Variants in RTN4RL1 observed in about 807,000 individuals in gnomAD.
RTN4RL1 encodes reticulon-4 receptor-like 1.
In RTN4RL1, 7 loss-of-function variants were observed where a neutral mutation model predicts 25.6. That is an observed-to-expected ratio of 0.27 (90% confidence interval 0.16 to 0.51). The LOEUF (loss-of-function observed/expected upper bound fraction) is 0.51, where lower values mean the gene tolerates loss of function less well. RTN4RL1 is among the 20% of genes least tolerant of loss of function. The pLI is 0.97. For missense variants in RTN4RL1, 500 were observed against 615.6 expected (o/e 0.81, Z 1.99); for synonymous variants, 297 against 288.2 (o/e 1.03, Z -0.31).
chr17:1,951,693 T>C (rs1264826073), intron 1 of RTN4RL1, among the ~76,000 whole-genome samples: 1 of 152,110 alleles, frequency 6.6e-6, no homozygotes, highest in Non-Finnish European at 1.5e-5. Context: ...CCTCAGGTGA[T>C]CCAGCTGCCT....
chr17:1,954,841 G>C (rs1317177572), intron 1 of RTN4RL1, among the ~76,000 whole-genome samples: 1 of 152,208 alleles, frequency 6.6e-6, no homozygotes, highest in African/African-American at 2.4e-5. Context: ...AAAACCCCAG[G>C]TGGCCTTATT....
Position 1,944,232 on chromosome 17 carries a change from T to TC in RTN4RL1, c.14-6425dup, listed in dbSNP as rs536999501. Among the ~76,000 whole-genome samples, 446 of 151,838 alleles carry TC rather than the reference T, an allele frequency of 2.9e-3. 3 individuals carry two copies. Among genetic ancestry groups the TC allele is most frequent in the African/African-American group, 0.01 (427 of 41,400 alleles). ...CTGGATCCTCAACTTAACCGGTGTG[T>TC]CCCCACGCTTGTGTGAGCCTCATCT... On this transcript the variant is annotated intron_variant, in intron 1 of 1. Transcript: ENST00000331238.
chr17:1,951,806 C>G (rs1048368228), intron 1 of RTN4RL1, among the ~76,000 whole-genome samples: 1 of 152,152 alleles, frequency 6.6e-6, no homozygotes, highest in Admixed American at 6.5e-5. Context: ...TGAGGACTGC[C>G]GAAGACTAAC....
intron 1 of RTN4RL1, among the ~76,000 whole-genome samples, chr17:1,982,476 A>G (rs906830016): frequency 3.3e-5 from 5 of 151,578 alleles, no homozygotes; most frequent in African/African-American, 7.3e-5. Flanking sequence ...TTAGCCAGGC[A>G]TGGTGGCGGG....
intron 1 of RTN4RL1, among the ~76,000 whole-genome samples, chr17:1,982,258 G>GCCACT (rs1476590976): frequency 6.6e-6 from 1 of 151,982 alleles, no homozygotes; most frequent in Admixed American, 6.6e-5. Context: ...CTGAGATCAC[G>GCCACT]CCACTCCACT....
intron 1 of RTN4RL1, among the ~76,000 whole-genome samples, chr17:1,939,127 C>A (rs558724525): frequency 6.6e-6 from 1 of 151,766 alleles, no homozygotes; most frequent in Non-Finnish European, 1.5e-5. Context: ...CCGAGGCGGG[C>A]GGATCACGAG....
chr17:1,987,303 G>T (rs937267748), intron 1 of RTN4RL1, among the ~76,000 whole-genome samples: 3 of 152,098 alleles, frequency 2.0e-5, no homozygotes, highest in Non-Finnish European at 4.4e-5. Context: ...ACTGGTTCAG[G>T]GTTGAATTTG....
intron 1 of RTN4RL1, among the ~76,000 whole-genome samples, chr17:2,023,929 G>C (rs943680762): frequency 1.9e-4 from 29 of 152,120 alleles, no homozygotes; most frequent in Non-Finnish European, 2.9e-5. Context: ...CCAGGCGCGG[G>C]GGGGATCCCG....
At chr17:2,013,662 T>TTGGGGTTTGATAGCTTTGAGGTGCG (rs1567528213) in intron 1 of RTN4RL1, among the ~76,000 whole-genome samples, 1 of 119,636 alleles carries the variant, frequency 8.4e-6, no homozygotes, top group Non-Finnish European at 1.7e-5. Flanking sequence ...TCTCTCACCC[T>TTGGGGTTTGATAGCTTTGAGGTGCG]GGAACATAAA....
At chr17:1,943,795 G>C (rs917041163) in intron 1 of RTN4RL1, among the ~76,000 whole-genome samples, 1 of 152,188 alleles carries the variant, frequency 6.6e-6, no homozygotes, top group Non-Finnish European at 1.5e-5. Context: ...GCCAGCCAGC[G>C]CACAGCTGGG....
intron 1 of RTN4RL1, among the ~76,000 whole-genome samples, chr17:1,963,268 C>T (rs528870221): frequency 7.2e-5 from 11 of 152,324 alleles, no homozygotes; most frequent in African/African-American, 2.6e-4. Context: ...CTGTGAGCCC[C>T]GTGTCCTTCA....
chr17:1,956,551 A>G (rs2151308737), intron 1 of RTN4RL1, among the ~76,000 whole-genome samples: 1 of 152,250 alleles, frequency 6.6e-6, no homozygotes, highest in East Asian at 1.9e-4. Context: ...CGATGTTTAG[A>G]GACTGCAGAG....
At chr17:2,010,384 C>G (rs1007173997) in intron 1 of RTN4RL1, among the ~76,000 whole-genome samples, 3 of 151,954 alleles carry the variant, frequency 2.0e-5, no homozygotes, top group Non-Finnish European at 2.9e-5. Flanking sequence ...GGCTGAGGCA[C>G]GAGAATCGCT....
intron 1 of RTN4RL1, among the ~76,000 whole-genome samples, chr17:2,015,983 G>A (rs927493574): frequency 6.6e-6 from 1 of 152,182 alleles, no homozygotes; most frequent in Admixed American, 6.5e-5. Context: ...GGGTGGCACC[G>A]AGGCCAAGGG....
intron 1 of RTN4RL1, among the ~76,000 whole-genome samples, chr17:1,981,469 T>C (rs2066866900): frequency 6.6e-6 from 1 of 152,248 alleles, no homozygotes; most frequent in South Asian, 2.1e-4. Context: ...CCAGAGACTT[T>C]AGGGAAAGGG....
At chr17:2,005,801 CT>C (rs369950675) in intron 1 of RTN4RL1, among the ~76,000 whole-genome samples, 238 of 107,510 alleles carry the variant, frequency 2.2e-3, no homozygotes, top group Non-Finnish European at 3.2e-3. Flanking sequence ...TTCTTTCTTC[CT>C]TTTTTTTTTT....
At chr17:1,972,760 C>G (rs2066826080) in intron 1 of RTN4RL1, among the ~76,000 whole-genome samples, 1 of 152,256 alleles carries the variant, frequency 6.6e-6, no homozygotes, top group South Asian at 2.1e-4. Context: ...CAGACAGGCA[C>G]TGGCATCAAC....
chr17:1,993,087 G>A (rs6503140), intron 1 of RTN4RL1, among the ~76,000 whole-genome samples: 83,910 of 151,592 alleles, frequency 0.55, 23,986 homozygotes, highest in African/African-American at 0.69. Context: ...TACTAAAAAA[G>A]AATACAAAAA....
chr17:1,936,337 T>C lies in RTN4RL1; in HGVS notation c.*159A>G. On this transcript the variant is annotated 3_prime_UTR_variant, in exon 2 of 2. Transcript: ENST00000331238. ...CCTAGGGCTGTACACTTTGGGTTTA[T>C]AATCCACATGGCAGGGTCCAGACGT... is the stretch of plus-strand genomic sequence containing the variant. 7.0e-7 allele frequency: 1 copy of C among 1,427,032 alleles called. No homozygotes were observed. The highest frequency in any genetic ancestry group is 9.1e-7 in the Non-Finnish European group (1 of 1,096,816). The allele number at this position is 1,427,032 out of a possible 1,614,324, so 88.4% of individuals were successfully genotyped here.
Sources: gnomAD v4.1 joint callset for allele counts (sites outside exome capture counted in the v4.1 genomes callset) on GRCh38, gnomAD v4.1.1 for gene constraint, MANE v1.5 for transcripts, NCBI Gene and HGNC (gene_info 2026-07-23, HGNC 2026-07-21) for gene names.